Variants in S1PR2 observed in about 807,000 individuals in gnomAD.
S1PR2 encodes the protein sphingosine-1-phosphate receptor 2.
S1PR2 carries 9 observed loss-of-function variants against 16.1 expected under a neutral mutation model. The observed-to-expected ratio is 0.56, with a 90% confidence interval of 0.34 to 0.98. S1PR2 has a LOEUF of 0.98. S1PR2 is among the 50% of genes least tolerant of loss of function. The probability of loss-of-function intolerance (pLI) is 0.02; values close to 1 mark genes in which losing one functional copy is unlikely to be tolerated. For synonymous variants in S1PR2, 224 were observed against 233.9 expected (o/e 0.96, Z 0.38); for missense variants, 361 against 488.4 (o/e 0.74, Z 2.46).
chr19:10,225,390 ATTTTT>A lies in S1PR2; in HGVS notation c.-42-448_-42-444del, dbSNP rs35464657. On this transcript the variant is annotated intron_variant, in intron 1 of 1. Coordinates refer to ENST00000646641, the MANE Select transcript of S1PR2 (RefSeq NM_004230.4). Reference sequence around the variant, plus strand: ...AAGCACATGCCACCACGCCTGGCTAATTTTTTTTTTTTTTTTTTTTTTTTGAGATG... The same window carrying A: ...AAGCACATGCCACCACGCCTGGCTAATTTTTTTTTTTTTTTTTTTGAGATG... 2.9e-4 allele frequency among the ~76,000 whole-genome samples: 23 copies of A among 80,576 alleles called. No homozygotes were observed. In the East Asian group the frequency reaches 4.4e-3, roughly 15 times the overall value. The allele number at this position is 80,576 out of a possible 152,430, so 52.9% of individuals were successfully genotyped here.
chr19:10,230,409 C>G (rs549382740), intron 1 of S1PR2: 1 of 154,926 alleles, frequency 6.5e-6, no homozygotes, highest in South Asian at 2.0e-4. Flanking sequence ...GCAGCAGCAG[C>G]TGCACCGCGA....
chr19:10,225,679 T>G (rs2039630051), intron 1 of S1PR2, among the ~76,000 whole-genome samples: 1 of 152,014 alleles, frequency 6.6e-6, no homozygotes. Context: ...ATTACCAGTG[T>G]GAGCCACCGG....
At chr19:10,226,215 T>C (rs1277640443) in intron 1 of S1PR2, among the ~76,000 whole-genome samples, 1 of 152,194 alleles carries the variant, frequency 6.6e-6, no homozygotes, top group Admixed American at 6.5e-5. Flanking sequence ...GATTTCAGGC[T>C]GGGTCTAAGC....
Position 10,227,724 on chromosome 19 carries a change from C to T in S1PR2, c.-42-2777G>A, listed in dbSNP as rs141378756. Among the ~76,000 whole-genome samples, 214 of 152,322 alleles carry T rather than the reference C, an allele frequency of 1.4e-3. 3 individuals are homozygous for T. Among genetic ancestry groups the T allele is most frequent in the Admixed American group, 9.3e-3 (143 of 15,306 alleles). On this transcript the variant is annotated intron_variant, in intron 1 of 1. Transcript: ENST00000646641. Reference sequence around the variant, plus strand: ...GATTGGTCCAGTTGGGGGCGCTCTACGGCCAGCCCTACCGATGGGGTCCTT... The same window carrying T: ...GATTGGTCCAGTTGGGGGCGCTCTATGGCCAGCCCTACCGATGGGGTCCTT...
At chr19:10,230,385 T>A (rs2145446746) in intron 1 of S1PR2, 1 of 154,156 alleles carries the variant, frequency 6.5e-6, no homozygotes, top group African/African-American at 2.4e-5. Context: ...AGACTGGGGG[T>A]GGGGGACCAG....
In S1PR2 at chr19:10,224,528, G is replaced by A. The variant is rs756303739; in HGVS notation, c.378C>T (p.Ile126=). The change falls in exon 2 of 2, where the codon ATC becomes ATT. Residue 126 remains isoleucine (I), a synonymous_variant. Transcript: ENST00000646641. ...LSASVFSLLA[I]AIERHVAIAK... Reference sequence around the variant, plus strand: ...CAATGGCCACGTGGCGCTCAATGGCGATGGCCAGGAGGCTGAAGACAGAGG... The same window carrying A: ...CAATGGCCACGTGGCGCTCAATGGCAATGGCCAGGAGGCTGAAGACAGAGG... 1.1e-5 allele frequency: 17 copies of A among 1,613,822 alleles called. No individual in the cohort carries two copies. The highest frequency in any genetic ancestry group is 1.4e-5 in the Non-Finnish European group (16 of 1,180,052).
rs2039619420 is a variant in S1PR2 at position 10,224,696 on chromosome 19, C to G, written c.210G>C (p.Leu70=). The G allele has an allele frequency of 6.2e-7, 1 of 1,614,096 alleles. No individual in the cohort carries two copies. Among genetic ancestry groups the G allele is most frequent in the Non-Finnish European group, 8.5e-7 (1 of 1,180,058 alleles). The change falls in exon 2 of 2, where the codon CTG becomes CTC. Residue 70 remains leucine (L), a synonymous_variant. Transcript: ENST00000646641. The part of the protein sequence containing the change: ...RNSKFHSAMY[L]FLGNLAASDL... ...CGGAGGCGGCCAGGTTGCCCAGAAACAGGTACATTGCCGAGTGGAACTTGC... is the reference window on the plus strand; with the variant it reads ...CGGAGGCGGCCAGGTTGCCCAGAAAGAGGTACATTGCCGAGTGGAACTTGC...
Position 10,223,680 on chromosome 19 carries a change from C to G in S1PR2, c.*164G>C, listed in dbSNP as rs1006188110. On this transcript the variant is annotated 3_prime_UTR_variant, in exon 2 of 2. Coordinates refer to ENST00000646641, the MANE Select transcript of S1PR2 (RefSeq NM_004230.4). ...ACTGCAACACTGCTATGTGACTAGTCAGTGCCTTATCTGGCCTTTCCAGGT... is the reference window on the plus strand; with the variant it reads ...ACTGCAACACTGCTATGTGACTAGTGAGTGCCTTATCTGGCCTTTCCAGGT... The G allele has an allele frequency of 3.1e-6, 2 of 655,002 alleles. No homozygotes were observed. The highest frequency in any genetic ancestry group is 3.7e-5 in the African/African-American group (2 of 54,690). The allele number at this position is 655,002 out of a possible 1,614,324, so 40.6% of individuals were successfully genotyped here. A position where few individuals can be genotyped will look rare whatever the true frequency, so the allele number is the denominator to read the frequency against.
intron 1 of S1PR2, among the ~76,000 whole-genome samples, chr19:10,226,133 G>C (rs1027345567): frequency 1.3e-5 from 2 of 152,358 alleles, no homozygotes; most frequent in South Asian, 4.1e-4. Flanking sequence ...CCCTCATGCT[G>C]ACCTGGGTCA....
Position 10,223,735 on chromosome 19 carries a change from G to T in S1PR2, c.*109C>A. ...AATATTTGCAACATCACCCAGGTCT[G>T]TGGGGCGGGGGCATCTGGCTCAGTA... On this transcript the variant is annotated 3_prime_UTR_variant, in exon 2 of 2. Transcript: ENST00000646641. 1 of 1,018,600 alleles carries T rather than the reference G, an allele frequency of 9.8e-7. No homozygotes were observed. Among genetic ancestry groups the T allele is most frequent in the Non-Finnish European group, 1.4e-6 (1 of 701,304 alleles). The allele number at this position is 1,018,600 out of a possible 1,614,324, so 63.1% of individuals were successfully genotyped here. A position where few individuals can be genotyped will look rare whatever the true frequency, so the allele number is the denominator to read the frequency against.
intron 1 of S1PR2, among the ~76,000 whole-genome samples, chr19:10,229,185 G>A (rs1256662536): frequency 2.0e-5 from 3 of 151,828 alleles, no homozygotes; most frequent in Admixed American, 6.6e-5. Flanking sequence ...TTCCCCCAGG[G>A]CCATTCCACT....
chr19:10,223,934 G>A lies in S1PR2; in HGVS notation c.972C>T (p.His324=), dbSNP rs370704501. The A allele has an allele frequency of 4.4e-6, 7 of 1,603,910 alleles. No individual in the cohort carries two copies. The highest frequency in any genetic ancestry group is 1.1e-5 in the South Asian group (1 of 89,970). ...GRRRGGTPGH[H]LLPLRSSSSL... is the part of the protein sequence containing the mutation. ...AGCTGGAGCTGCGGAGTGGCAGGAG[G>A]TGGTGGCCCGGGGTCCCGCCCCGCC... The change falls in exon 2 of 2, where the codon CAC becomes CAT. Residue 324 remains histidine (H), a synonymous_variant. Transcript: ENST00000646641.
In S1PR2 at chr19:10,224,672, G is replaced by A. The variant is rs757513633; in HGVS notation, c.234C>T (p.Ser78=). Reference sequence around the variant, plus strand: ...CGAAGGCCACGCCTGCCAGTAGATCGGAGGCGGCCAGGTTGCCCAGAAACA... The same window carrying A: ...CGAAGGCCACGCCTGCCAGTAGATCAGAGGCGGCCAGGTTGCCCAGAAACA... The part of the protein sequence containing the change: ...MYLFLGNLAA[S]DLLAGVAFVA... The change falls in exon 2 of 2, where the codon TCC becomes TCT. Residue 78 remains serine, a synonymous_variant. Coordinates refer to ENST00000646641, the MANE Select transcript of S1PR2 (RefSeq NM_004230.4). The A allele has an allele frequency of 3.7e-6, 6 of 1,614,042 alleles. No homozygotes were observed. Among genetic ancestry groups the A allele is most frequent in the Admixed American group, 1.7e-5 (1 of 60,008 alleles).
Position 10,224,826 on chromosome 19 carries a change from G to GT in S1PR2, c.79dup (p.Thr27AsnfsTer103). 1.2e-6 allele frequency: 2 copies of GT among 1,614,214 alleles called. No individual in the cohort carries two copies. Among genetic ancestry groups the GT allele is most frequent in the Non-Finnish European group, 1.7e-6 (2 of 1,180,044 alleles). On this transcript the variant is annotated frameshift_variant, in exon 2 of 2. Coordinates refer to ENST00000646641, the MANE Select transcript of S1PR2 (RefSeq NM_004230.4). LOFTEE classifies it high-confidence loss of function. ...CACCTGGCGGGAGGTCGTCTCCTGCGTTTCCAGCGTCTCCTTGGTATAATT... is the reference window on the plus strand; with the variant it reads ...CACCTGGCGGGAGGTCGTCTCCTGCGTTTTCCAGCGTCTCCTTGGTATAATT...
rs2039623825 is a variant in S1PR2, at chr19:10,225,061, A to G, written c.-42-114T>C. 4.9e-6 allele frequency: 3 copies of G among 613,216 alleles called. No individual in the cohort carries two copies. In the South Asian group the frequency reaches 6.1e-5, roughly 12 times the overall value. 38.0% of individuals were successfully genotyped at this position (613,216 alleles called of 1,614,324 possible). The stretch of plus-strand genomic sequence containing the variant: ...TTCCTGCTCTGTTACTCTTCGAGGA[A>G]GGGCCACATGAATTCAGAATCATCA... On this transcript the variant is annotated intron_variant, in intron 1 of 1. Transcript: ENST00000646641.
chr19:10,228,036 C>G (rs1400452378), intron 1 of S1PR2, among the ~76,000 whole-genome samples: 1 of 151,622 alleles, frequency 6.6e-6, no homozygotes, highest in African/African-American at 2.4e-5. Flanking sequence ...CGCAGTGGCT[C>G]ATGCCTGTAA....
At position 10,223,482 on chromosome 19, in the gene S1PR2, T is replaced by G; in HGVS notation, c.*362A>C. On this transcript the variant is annotated 3_prime_UTR_variant, in exon 2 of 2. Transcript: ENST00000646641. ...GCCTGGGCAGCAGTGCAAGATTCCG[T>G]CTCAAAAAAAAAAAAAAATCCTTTG... The G allele has an allele frequency of 9.6e-6, 2 of 208,388 alleles. No individual in the cohort carries two copies. The highest frequency in any genetic ancestry group is 1.9e-5 in the Non-Finnish European group (2 of 105,144). 12.9% of individuals were successfully genotyped at this position (208,388 alleles called of 1,614,324 possible).
In S1PR2 at chr19:10,224,276, C is replaced by A; in HGVS notation, c.630G>T (p.Val210=). 9.3e-6 allele frequency: 15 copies of A among 1,614,040 alleles called. No homozygotes were observed. The highest frequency in any genetic ancestry group is 1.2e-5 in the Non-Finnish European group (14 of 1,180,048). The part of the protein sequence containing the change: ...IILLAIVALY[V]RIYCVVRSSH... ...TTGAGCGGACCACGCAGTAGATGCGCACGTACAGGGCCACGATGGCCAACA... is the reference window on the plus strand; with the variant it reads ...TTGAGCGGACCACGCAGTAGATGCGAACGTACAGGGCCACGATGGCCAACA... The change falls in exon 2 of 2, where the codon GTG becomes GTT. Residue 210 remains valine, a synonymous_variant. Coordinates refer to ENST00000646641, the MANE Select transcript of S1PR2 (RefSeq NM_004230.4).
chr19:10,229,851 A>T (rs2145445923), intron 1 of S1PR2, among the ~76,000 whole-genome samples: 1 of 152,296 alleles, frequency 6.6e-6, no homozygotes, highest in Non-Finnish European at 1.5e-5. Context: ...CTATCATGAT[A>T]TCTTTCCTTT....
Sources: allele counts gnomAD v4.1 joint callset (sites outside exome capture counted in the v4.1 genomes callset), GRCh38; gene constraint gnomAD v4.1.1; transcripts MANE v1.5; gene names NCBI Gene and HGNC (gene_info 2026-07-23, HGNC 2026-07-21).